DOCK4: variants seen among roughly 807,000 people sequenced by gnomAD.
DOCK4 encodes the protein dedicator of cytokinesis protein 4.
In DOCK4, 97 loss-of-function variants were observed where a neutral mutation model predicts 268.1. The ratio of observed to expected loss-of-function variants is 0.36; its 90% CI spans 0.31 to 0.43. The LOEUF is 0.43. Among genes scored for constraint, DOCK4 ranks in the 20% least tolerant of loss-of-function variants. The probability of loss-of-function intolerance (pLI) is 1.00; values close to 1 mark genes in which losing one functional copy is unlikely to be tolerated. For missense variants in DOCK4, 2,145 were observed against 2,455.7 expected, an observed-to-expected ratio of 0.87 and a Z score of 2.67; for synonymous variants, 954 against 887.2, an observed-to-expected ratio of 1.08 and a Z score of -1.34.
intron 12 of DOCK4, among the ~76,000 whole-genome samples, chr7:111,918,144 T>C (rs1792773419): frequency 6.6e-6 from 1 of 152,192 alleles, no homozygotes; most frequent in African/African-American, 2.4e-5. Flanking sequence ...GAGCCTCTCC[T>C]GAGGTCCAAA....
intron 1 of DOCK4, among the ~76,000 whole-genome samples, chr7:112,134,530 T>A (rs1814132733): frequency 6.6e-6 from 1 of 150,910 alleles, no homozygotes; most frequent in Non-Finnish European, 1.5e-5. Flanking sequence ...CCATGCGGGC[T>A]AACATGGTGT....
chr7:112,033,069 T>G (rs1414279071), intron 1 of DOCK4, among the ~76,000 whole-genome samples: 1 of 152,130 alleles, frequency 6.6e-6, no homozygotes, highest in Non-Finnish European at 1.5e-5. Context: ...AACAATCTAG[T>G]AAGAGACACA....
At chr7:111,854,448 C>T (rs1219973574) in intron 23 of DOCK4, among the ~76,000 whole-genome samples, 15 of 152,214 alleles carry the variant, frequency 9.9e-5, no homozygotes, top group East Asian at 1.9e-4. Flanking sequence ...ATTGCTCACT[C>T]GGGGAGCTCA....
intron 17 of DOCK4, among the ~76,000 whole-genome samples, chr7:111,874,057 G>A (rs1806647244): frequency 6.6e-6 from 1 of 152,146 alleles, no homozygotes; most frequent in African/African-American, 2.4e-5. Flanking sequence ...GGGCGACAAA[G>A]GCAAAGCTCT....
At chr7:111,902,079 T>C (rs1791195044) in intron 13 of DOCK4, among the ~76,000 whole-genome samples, 1 of 152,300 alleles carries the variant, frequency 6.6e-6, no homozygotes, top group East Asian at 1.9e-4. Context: ...AGTCTCACCA[T>C]TTTTCAATAT....
At chr7:111,847,356 T>C (rs1420497443) in intron 23 of DOCK4, among the ~76,000 whole-genome samples, 1 of 152,242 alleles carries the variant, frequency 6.6e-6, no homozygotes, top group African/African-American at 2.4e-5. Flanking sequence ...GATATCTTTC[T>C]AAAATTATTT....
chr7:111,832,744 C>T (rs1802937124), intron 26 of DOCK4, among the ~76,000 whole-genome samples: 1 of 152,062 alleles, frequency 6.6e-6, no homozygotes, highest in Admixed American at 6.6e-5. Flanking sequence ...GCCAAGCTGG[C>T]CTTGATCTCA....
intron 1 of DOCK4, among the ~76,000 whole-genome samples, chr7:112,151,035 C>T (rs1003989437): frequency 1.3e-5 from 2 of 152,182 alleles, no homozygotes; most frequent in East Asian, 3.8e-4. Context: ...AAGCACAACA[C>T]ACATAAAATA....
At chr7:111,871,688 G>A (rs10253643) in intron 20 of DOCK4, among the ~76,000 whole-genome samples, 65,569 of 152,086 alleles carry the variant, frequency 0.43, 16,876 homozygotes, top group African/African-American at 0.73. Context: ...CTTAACAGCC[G>A]AAGTGAGATA....
intron 8 of DOCK4, among the ~76,000 whole-genome samples, chr7:111,946,291 G>GAAACTTA (rs1432854724): frequency 1.3e-5 from 2 of 152,092 alleles, no homozygotes; most frequent in African/African-American, 4.8e-5. Flanking sequence ...TTTCAAAAAT[G>GAAACTTA]AAACTTAAAT....
chr7:112,141,129 C>A (rs1814887108), intron 1 of DOCK4, among the ~76,000 whole-genome samples: 1 of 152,170 alleles, frequency 6.6e-6, no homozygotes, highest in South Asian at 2.1e-4. Flanking sequence ...TCCTGCCTCT[C>A]TAATCAGAGG....
At chr7:111,981,346 AGAGAATCTTATTATTGCTAG>A (rs1798593452) in intron 7 of DOCK4, among the ~76,000 whole-genome samples, 2 of 152,190 alleles carry the variant, frequency 1.3e-5, no homozygotes, top group Admixed American at 6.5e-5. Flanking sequence ...CCAGGGCTAC[AGAGAATCTTATTATTGCTAG>A]GCCAGGATAC....
intron 12 of DOCK4, among the ~76,000 whole-genome samples, chr7:111,927,328 G>C (rs1211414582): frequency 6.6e-6 from 1 of 152,186 alleles, no homozygotes; most frequent in Non-Finnish European, 1.5e-5. Flanking sequence ...TCATGGCTAA[G>C]AGTTATAAAG....
chr7:111,871,888 T>C, intron 20 of DOCK4, 102 bp downstream of exon 20: 3 of 896,288 alleles, frequency 3.3e-6, no homozygotes. Context: ...AGTGCTCCAT[T>C]TCTTCCTACA....
At chr7:111,802,969 A>C (rs1191957723) in intron 30 of DOCK4, among the ~76,000 whole-genome samples, 2 of 152,234 alleles carry the variant, frequency 1.3e-5, no homozygotes, top group Non-Finnish European at 1.5e-5. Context: ...CATTTTACAA[A>C]TATAGAACCC....
At chr7:111,821,118 A>T (rs764222854) in intron 27 of DOCK4, 7 of 152,324 alleles carry the variant, frequency 4.6e-5, no homozygotes, top group Admixed American at 2.0e-4. Context: ...TACTTCACAA[A>T]GTTTTTAACA....
intron 16 of DOCK4, among the ~76,000 whole-genome samples, chr7:111,882,480 C>T (rs189351187): frequency 4.4e-4 from 67 of 152,282 alleles, no homozygotes; most frequent in African/African-American, 1.6e-3. Flanking sequence ...TCTGATTATA[C>T]ATTTAAAAAC....
intron 1 of DOCK4, among the ~76,000 whole-genome samples, chr7:112,195,644 T>C (rs1424045321): frequency 6.6e-6 from 1 of 151,348 alleles, no homozygotes; most frequent in Non-Finnish European, 1.5e-5. Context: ...ATCCCCACGT[T>C]CCCAAACCTG....
intron 1 of DOCK4, among the ~76,000 whole-genome samples, chr7:112,192,022 C>CTATATAGTT (rs1478739578): frequency 4.7e-5 from 7 of 147,496 alleles, no homozygotes; most frequent in African/African-American, 1.7e-4. Flanking sequence ...ATAACTTAAA[C>CTATATAGTT]ATAGTATAAT....
Sources: gnomAD v4.1 joint callset for allele counts (sites outside exome capture counted in the v4.1 genomes callset) on GRCh38, gnomAD v4.1.1 for gene constraint, MANE v1.5 for transcripts, NCBI Gene and HGNC (gene_info 2026-07-23, HGNC 2026-07-21) for gene names.